The following HRH4 variants were observed in gnomAD, a reference collection of about 807,000 sequenced individuals.
HRH4 encodes histamine H4 receptor.
In HRH4, 12 loss-of-function variants were observed where a neutral mutation model predicts 10.4. The observed-to-expected ratio is 1.15, with a 90% CI of 0.74 to 1.87. The LOEUF (loss-of-function observed/expected upper bound fraction) is 1.87. Ranked by LOEUF, HRH4 falls within the 40% of genes most tolerant of loss-of-function variation. The pLI is 0.00. For synonymous variants in HRH4, 154 were observed against 166.6 expected, an observed-to-expected ratio of 0.92 and a Z score of 0.58; for missense variants, 415 against 453.3, an observed-to-expected ratio of 0.92 and a Z score of 0.77.
chr18:24,478,525 T>A lies in HRH4; in HGVS notation c.*963T>A, dbSNP rs946768980. 10 of 152,290 alleles carry A rather than the reference T, an allele frequency of 6.6e-5. No individual in the cohort carries two copies. Among genetic ancestry groups the A allele is most frequent in the African/African-American group, 2.4e-4 (10 of 41,474 alleles). 9.4% of individuals were successfully genotyped at this position (152,290 alleles called of 1,614,324 possible). A position where few individuals can be genotyped will look rare whatever the true frequency, so the allele number is the denominator to read the frequency against. On this transcript the variant is annotated 3_prime_UTR_variant, in exon 3 of 3. Coordinates refer to ENST00000256906, the MANE Select transcript of HRH4 (RefSeq NM_021624.4). Reference sequence around the variant, plus strand: ...TCCTGGCCAACATGGTGAAACCCCATCTGTACTAAAATACAAACAAGTAGC... The same window carrying A: ...TCCTGGCCAACATGGTGAAACCCCAACTGTACTAAAATACAAACAAGTAGC...
intron 1 of HRH4, among the ~76,000 whole-genome samples, chr18:24,467,041 C>T (rs1478270607): frequency 1.3e-5 from 2 of 152,120 alleles, no homozygotes; most frequent in Admixed American, 1.3e-4. Context: ...AATCACAATC[C>T]CTGGTTTCAG....
intron 1 of HRH4, 57 bp from the exon 2 acceptor site, chr18:24,468,731 C>A: frequency 1.4e-6 from 2 of 1,437,288 alleles, no homozygotes; most frequent in Non-Finnish European, 1.9e-6. Context: ...TTAAAACATG[C>A]ACATTTGTGT....
chr18:24,468,023 C>T (rs1909823864), intron 1 of HRH4, among the ~76,000 whole-genome samples: 1 of 152,074 alleles, frequency 6.6e-6, no homozygotes, highest in Non-Finnish European at 1.5e-5. Context: ...AAATACAAGA[C>T]CTGTACTTAA....
chr18:24,466,563 G>A (rs1025565955), intron 1 of HRH4, among the ~76,000 whole-genome samples: 2 of 152,066 alleles, frequency 1.3e-5, no homozygotes, highest in East Asian at 1.9e-4. Context: ...AACTGACCAC[G>A]CAACTCTTCA....
rs774668999 is a variant in HRH4 at position 24,476,956 on chromosome 18, A to T, written c.567A>T (p.Leu189Phe). Residue 189 changes from leucine (L) to phenylalanine (F), a missense_variant, in exon 3 of 3, where the codon TTA becomes TTT. Coordinates refer to ENST00000256906, the MANE Select transcript of HRH4 (RefSeq NM_021624.4). ...TGGAATTCGTGATCCCAGTCATCTT[A>T]GTCGCTTATTTCAACATGAATATTT... ...SFLEFVIPVI[L>F]VAYFNMNIYW... is the part of the protein sequence containing the mutation. The T allele has an allele frequency of 4.3e-6, 7 of 1,614,034 alleles. No individual in the cohort carries two copies. The highest frequency in any genetic ancestry group is 5.9e-6 in the Non-Finnish European group (7 of 1,180,044).
At position 24,477,631 on chromosome 18, in the gene HRH4, CT is replaced by C; in HGVS notation, c.*71del. 9.1e-7 allele frequency: 1 copy of C among 1,098,436 alleles called. No individual in the cohort carries two copies. Among genetic ancestry groups the C allele is most frequent in the Non-Finnish European group, 1.3e-6 (1 of 775,820 alleles). The allele number at this position is 1,098,436 out of a possible 1,614,324, so 68.0% of individuals were successfully genotyped here. ...TAAATGAATCAGGTCTGCCCTTTAT[CT>C]TGCCCTTTTCATTCTACCAACAGAT... is the stretch of plus-strand genomic sequence containing the variant. On this transcript the variant is annotated 3_prime_UTR_variant, in exon 3 of 3. Transcript: ENST00000256906.
chr18:24,471,606 C>CAAAAA (rs60730879), intron 2 of HRH4, among the ~76,000 whole-genome samples: 15 of 51,394 alleles, frequency 2.9e-4, no homozygotes, highest in Non-Finnish European at 3.7e-4. Flanking sequence ...GACTCCATCT[C>CAAAAA]AAAAAAAAAA....
Position 24,477,302 on chromosome 18 carries a change from C to T in HRH4, c.913C>T (p.Leu305=), listed in dbSNP as rs1568099938. ...LLRARRLAKS[L]AILLGVFAVC... is the part of the protein sequence containing the mutation. ...TAGAGCCAGGAGATTAGCCAAGTCA[C>T]TGGCCATTCTCTTAGGGGTTTTTGC... The change falls in exon 3 of 3, where the codon CTG becomes TTG. Residue 305 remains leucine, a synonymous_variant. Coordinates refer to ENST00000256906, the MANE Select transcript of HRH4 (RefSeq NM_021624.4). 2.5e-6 allele frequency: 4 copies of T among 1,614,214 alleles called. No individual in the cohort carries two copies. The highest frequency in any genetic ancestry group is 3.4e-6 in the Non-Finnish European group (4 of 1,180,026).
At chr18:24,474,803 C>T (rs1460364812) in intron 2 of HRH4, among the ~76,000 whole-genome samples, 3 of 151,670 alleles carry the variant, frequency 2.0e-5, no homozygotes, top group Non-Finnish European at 4.4e-5. Context: ...TGTTGTGCCT[C>T]AGCCTCCCGA....
intron 1 of HRH4, among the ~76,000 whole-genome samples, chr18:24,461,402 G>A (rs1316159143): frequency 2.0e-5 from 3 of 152,060 alleles, no homozygotes. Flanking sequence ...ATATGGCATA[G>A]AATTTTGTAA....
chr18:24,473,996 G>A (rs1910059391), intron 2 of HRH4, among the ~76,000 whole-genome samples: 1 of 152,124 alleles, frequency 6.6e-6, no homozygotes, highest in South Asian at 2.1e-4. Flanking sequence ...CAATGCTTGA[G>A]CTGTCTATCT....
intron 2 of HRH4, among the ~76,000 whole-genome samples, chr18:24,471,982 A>G (rs1370009558): frequency 6.6e-6 from 1 of 152,168 alleles, no homozygotes; most frequent in East Asian, 1.9e-4. Flanking sequence ...TAGAGGTTAC[A>G]GAGAGATGAG....
chr18:24,466,642 C>T (rs1238759592), intron 1 of HRH4, among the ~76,000 whole-genome samples: 2 of 152,158 alleles, frequency 1.3e-5, no homozygotes, highest in Non-Finnish European at 2.9e-5. Flanking sequence ...GGTTCTGAAA[C>T]CATGCCATTA....
rs398032181 is a variant in HRH4 at position 24,466,287 on chromosome 18, A to ATTTTT, written c.194-2489_194-2485dup. ...GCCACCATGTCCAGCTAATTTTTGTATTTTTTTTTTTTTTTTGTAGAAATA... is the reference window on the plus strand; with the variant it reads ...GCCACCATGTCCAGCTAATTTTTGTATTTTTTTTTTTTTTTTTTTTTGTAGAAATA... On this transcript the variant is annotated intron_variant, in intron 1 of 2. Transcript: ENST00000256906. 1.1e-3 allele frequency among the ~76,000 whole-genome samples: 145 copies of ATTTTT among 129,184 alleles called. 3 individuals carry two copies. The highest frequency in any genetic ancestry group is 1.2e-3 in the Non-Finnish European group (78 of 62,920). The allele number at this position is 129,184 out of a possible 152,430, so 84.7% of individuals were successfully genotyped here.
chr18:24,477,306 C>T lies in HRH4; in HGVS notation c.917C>T (p.Ala306Val). Residue 306 changes from alanine (A) to valine (V), a missense_variant, in exon 3 of 3, where the codon GCC becomes GTC. Physicochemically the swap from Ala to Val is moderately conservative, Grantham distance 64. Transcript: ENST00000256906. ...LRARRLAKSL[A>V]ILLGVFAVCW... ...GCCAGGAGATTAGCCAAGTCACTGGCCATTCTCTTAGGGGTTTTTGCTGTT... is the reference window on the plus strand; with the variant it reads ...GCCAGGAGATTAGCCAAGTCACTGGTCATTCTCTTAGGGGTTTTTGCTGTT... 6.2e-7 allele frequency: 1 copy of T among 1,614,164 alleles called. No individual in the cohort carries two copies. Among genetic ancestry groups the T allele is most frequent in the South Asian group, 1.1e-5 (1 of 91,082 alleles).
At chr18:24,466,725 T>C (rs909309862) in intron 1 of HRH4, among the ~76,000 whole-genome samples, 4 of 152,128 alleles carry the variant, frequency 2.6e-5, no homozygotes, top group Non-Finnish European at 4.4e-5. Context: ...ACTTTACTAT[T>C]CTTAATAATA....
intron 2 of HRH4, among the ~76,000 whole-genome samples, chr18:24,470,628 C>T (rs12964189): frequency 0.094 from 14,256 of 151,218 alleles, 762 homozygotes; most frequent in South Asian, 0.18. Flanking sequence ...CTCAGCCTCC[C>T]GAGTAGCTGG....
intron 1 of HRH4, 110 bp downstream of exon 1, chr18:24,461,031 T>C: frequency 3.8e-6 from 3 of 789,346 alleles, no homozygotes; most frequent in Non-Finnish European, 5.7e-6. Context: ...TGGGGAAAAA[T>C]AAACACAAAA....
intron 2 of HRH4, among the ~76,000 whole-genome samples, chr18:24,476,514 AGG>A (rs1910133760): frequency 6.6e-6 from 1 of 152,200 alleles, no homozygotes; most frequent in Non-Finnish European, 1.5e-5. Context: ...TATAGTATTC[AGG>A]GATTTAACCT....
Sources: allele counts gnomAD v4.1 joint callset (sites outside exome capture counted in the v4.1 genomes callset), GRCh38; gene constraint gnomAD v4.1.1; transcripts MANE v1.5; gene names NCBI Gene and HGNC (gene_info 2026-07-23, HGNC 2026-07-21).